The following CHRM3 variants were observed in gnomAD, a reference collection of about 807,000 sequenced individuals.
The protein encoded by CHRM3 is cholinergic receptor muscarinic 3, also known as muscarinic acetylcholine receptor M3.
In CHRM3, 11 loss-of-function variants were observed where a neutral mutation model predicts 41.8. That is an observed-to-expected ratio of 0.26 (90% confidence interval 0.17 to 0.44). The LOEUF is 0.44. Among genes scored for constraint, CHRM3 ranks in the 20% least tolerant of loss-of-function variants. The probability of loss-of-function intolerance (pLI) is 1.00; values close to 1 mark genes in which losing one functional copy is unlikely to be tolerated. For missense variants in CHRM3, 571 were observed against 745.4 expected, an observed-to-expected ratio of 0.77 and a Z score of 2.72; for synonymous variants, 297 against 301.4, an observed-to-expected ratio of 0.99 and a Z score of 0.15.
chr1:239,515,415 T>TG lies in CHRM3; in HGVS notation c.-422+22608_-422+22609insG, dbSNP rs572194783. On this transcript the variant is annotated intron_variant, in intron 2 of 6. Transcript: ENST00000676153. The stretch of plus-strand genomic sequence containing the variant: ...CAATTGTTCACATGTTTTTTTTGTT[T>TG]TTTTTTTTTTTAATTCTGGGGTAAG... Among the ~76,000 whole-genome samples the TG allele has an allele frequency of 1.3e-4, 19 of 150,592 alleles. No homozygotes were observed. The East Asian group carries it at 3.3e-3, about 26-fold the overall frequency.
At chr1:239,433,100 G>A (rs200072862) in intron 1 of CHRM3, among the ~76,000 whole-genome samples, 2 of 152,066 alleles carry the variant, frequency 1.3e-5, no homozygotes, top group East Asian at 3.9e-4. Context: ...CAGGCACCCT[G>A]AATCCCAAAC....
intron 1 of CHRM3, among the ~76,000 whole-genome samples, chr1:239,440,214 AG>A (rs1663606287): frequency 6.6e-6 from 1 of 151,220 alleles, no homozygotes; most frequent in South Asian, 2.1e-4. Flanking sequence ...AAAAAAAAAA[AG>A]CCTCTCTATA....
rs150762923 is a variant in CHRM3 at position 239,511,143 on chromosome 1, C to A, written c.-422+18336C>A. Among the ~76,000 whole-genome samples, 102 of 152,284 alleles carry A rather than the reference C, an allele frequency of 6.7e-4. 1 individual carries two copies. The East Asian group carries it at 0.018, about 26-fold the overall frequency. ...TTGTTCTGATTCATGTACGTTAAGTCAAGGAATTGGGGAGAAGTATTAATC... is the reference window on the plus strand; with the variant it reads ...TTGTTCTGATTCATGTACGTTAAGTAAAGGAATTGGGGAGAAGTATTAATC... On this transcript the variant is annotated intron_variant, in intron 2 of 6. Transcript: ENST00000676153.
intron 3 of CHRM3, among the ~76,000 whole-genome samples, chr1:239,573,560 A>G (rs2148547773): frequency 6.6e-6 from 1 of 152,214 alleles, no homozygotes; most frequent in East Asian, 1.9e-4. Context: ...GCCTATATTG[A>G]AATCAAATGA....
intron 3 of CHRM3, among the ~76,000 whole-genome samples, chr1:239,562,074 A>G (rs1017562594): frequency 2.0e-5 from 3 of 152,132 alleles, no homozygotes; most frequent in Admixed American, 6.5e-5. Flanking sequence ...ATGTTTGACA[A>G]TTGTTTTAAT....
chr1:239,874,924 C>G (rs556349528), intron 6 of CHRM3, among the ~76,000 whole-genome samples: 3 of 152,138 alleles, frequency 2.0e-5, no homozygotes, highest in Admixed American at 2.0e-4. Context: ...GTCTCGAACT[C>G]TCAGCCTCAG....
chr1:239,461,279 G>A (rs1665339422), intron 1 of CHRM3, among the ~76,000 whole-genome samples: 1 of 152,082 alleles, frequency 6.6e-6, no homozygotes, highest in Non-Finnish European at 1.5e-5. Flanking sequence ...ATAGTATAAT[G>A]AAGGCATTAT....
chr1:239,830,331 A>T lies in CHRM3; in HGVS notation c.-20+2953A>T, dbSNP rs77064051. Among the ~76,000 whole-genome samples the T allele has an allele frequency of 2.7e-3, 409 of 152,332 alleles. 17 individuals carry two copies. In the East Asian group the frequency reaches 0.073, roughly 27 times the overall value. On this transcript the variant is annotated intron_variant, in intron 6 of 6. Transcript: ENST00000676153. ...TCCACCCTCAGTCAAAATATGTGTG[A>T]CTTAAAGCGGTGTATGTGAAATTTA...
At chr1:239,899,213 G>A (rs1354561582) in intron 6 of CHRM3, among the ~76,000 whole-genome samples, 1 of 151,536 alleles carries the variant, frequency 6.6e-6, no homozygotes, top group Non-Finnish European at 1.5e-5. Flanking sequence ...TCAATTTGCT[G>A]TACATTTTTT....
chr1:239,446,890 G>A (rs562174524), intron 1 of CHRM3, among the ~76,000 whole-genome samples: 1 of 152,094 alleles, frequency 6.6e-6, no homozygotes, highest in African/African-American at 2.4e-5. Flanking sequence ...TTGTTTAGGA[G>A]CATGGAAATT....
intron 3 of CHRM3, among the ~76,000 whole-genome samples, chr1:239,559,932 T>G (rs550275727): frequency 5.3e-5 from 8 of 152,310 alleles, no homozygotes; most frequent in African/African-American, 1.9e-4. Context: ...TCCATTTATT[T>G]TGGCATTGAC....
At chr1:239,536,981 C>T (rs1352878717) in intron 2 of CHRM3, among the ~76,000 whole-genome samples, 1 of 151,946 alleles carries the variant, frequency 6.6e-6, no homozygotes, top group Non-Finnish European at 1.5e-5. Flanking sequence ...TCTTTTCTTT[C>T]CTTGGCTTCA....
At chr1:239,449,136 G>T (rs1664378959) in intron 1 of CHRM3, among the ~76,000 whole-genome samples, 1 of 152,134 alleles carries the variant, frequency 6.6e-6, no homozygotes, top group South Asian at 2.1e-4. Context: ...TGTCCTGTGA[G>T]CAGAACATGG....
intron 1 of CHRM3, among the ~76,000 whole-genome samples, chr1:239,406,887 G>A (rs1660634575): frequency 6.6e-6 from 1 of 152,166 alleles, no homozygotes; most frequent in Admixed American, 6.5e-5. Flanking sequence ...GTAAAATAGA[G>A]TTGTCTGAGC....
intron 1 of CHRM3, among the ~76,000 whole-genome samples, chr1:239,468,382 T>G (rs1348617784): frequency 1.3e-5 from 2 of 152,224 alleles, no homozygotes; most frequent in African/African-American, 4.8e-5. Context: ...AAATATATGT[T>G]TTCTATGAGT....
intron 1 of CHRM3, among the ~76,000 whole-genome samples, chr1:239,398,101 A>T (rs1035515055): frequency 3.9e-5 from 6 of 152,134 alleles, no homozygotes; most frequent in African/African-American, 1.4e-4. Flanking sequence ...ATGTTTGAGG[A>T]ACCTAGAGAT....
intron 5 of CHRM3, among the ~76,000 whole-genome samples, chr1:239,702,069 G>T (rs1660737223): frequency 6.6e-6 from 1 of 152,170 alleles, no homozygotes; most frequent in South Asian, 2.1e-4. Flanking sequence ...TTTCCTCGAG[G>T]AGAAGCAATT....
At chr1:239,496,037 T>C (rs1475966480) in intron 2 of CHRM3, among the ~76,000 whole-genome samples, 2 of 152,156 alleles carry the variant, frequency 1.3e-5, no homozygotes, top group Admixed American at 6.6e-5. Context: ...CTTAAGTCTG[T>C]GCTATGTTGA....
chr1:239,404,999 C>T (rs955965453), intron 1 of CHRM3, among the ~76,000 whole-genome samples: 1 of 151,844 alleles, frequency 6.6e-6, no homozygotes, highest in Non-Finnish European at 1.5e-5. Context: ...ACAACATAGT[C>T]TAGAACTGCT....
Sources: gnomAD v4.1 joint callset for allele counts (sites outside exome capture counted in the v4.1 genomes callset) on GRCh38, gnomAD v4.1.1 for gene constraint, MANE v1.5 for transcripts, NCBI Gene and HGNC (gene_info 2026-07-23, HGNC 2026-07-21) for gene names.